Variants in PTGS1 observed in about 807,000 individuals in gnomAD.
PTGS1 encodes prostaglandin G/H synthase 1.
A neutral mutation model predicts 63.0 loss-of-function variants in PTGS1; 40 were observed. The ratio of observed to expected loss-of-function variants is 0.63; its 90% CI spans 0.49 to 0.83. The LOEUF is 0.83. Ranked by LOEUF, PTGS1 falls within the 40% of genes least tolerant of loss-of-function variation. PTGS1 has a pLI of 0.00. For missense variants in PTGS1, 709 were observed against 786.5 expected (o/e 0.90, Z 1.18); for synonymous variants, 298 against 301.9 (o/e 0.99, Z 0.13).
At chr9:122,374,516 A>C (rs1836999906) in intron 2 of PTGS1, among the ~76,000 whole-genome samples, 1 of 152,146 alleles carries the variant, frequency 6.6e-6, no homozygotes, top group Non-Finnish European at 1.5e-5. Flanking sequence ...TGGGGGACTC[A>C]AAGTGAATTA....
chr9:122,384,843 C>T (rs992333872), intron 8 of PTGS1, among the ~76,000 whole-genome samples: 1 of 152,148 alleles, frequency 6.6e-6, no homozygotes, highest in African/African-American at 2.4e-5. Flanking sequence ...CTTAGTATTC[C>T]TACTTTTGGC....
At chr9:122,391,395 A>G (rs1474984971) in intron 10 of PTGS1, among the ~76,000 whole-genome samples, 47 of 86,240 alleles carry the variant, frequency 5.4e-4, no homozygotes, top group Admixed American at 3.4e-3. Context: ...ACATATATAT[A>G]TACATATATA....
chr9:122,374,376 T>A (rs921648946), intron 2 of PTGS1, among the ~76,000 whole-genome samples: 1 of 152,060 alleles, frequency 6.6e-6, no homozygotes, highest in African/African-American at 2.4e-5. Context: ...ACCCCCTTCA[T>A]GGGATATACA....
At position 122,386,013 on chromosome 9, in the gene PTGS1, G is replaced by C. The variant is rs139492580; in HGVS notation, c.1010-433G>C. Among the ~76,000 whole-genome samples the C allele has an allele frequency of 5.3e-5, 8 of 152,200 alleles. No individual in the cohort carries two copies. In the East Asian group the frequency reaches 1.5e-3, roughly 29 times the overall value. The stretch of plus-strand genomic sequence containing the variant: ...AACAAAATTAAACATCAACAGCAAG[G>C]CCAGGTGTGGTGGCTCACACTTGCA... On this transcript the variant is annotated intron_variant, in intron 8 of 10. Transcript: ENST00000362012.
intron 7 of PTGS1, 126 bp downstream of exon 7, chr9:122,381,873 G>A: frequency 1.0e-6 from 1 of 969,766 alleles, no homozygotes; most frequent in South Asian, 1.5e-5. Context: ...GGAAGCTTGT[G>A]CCAGGAGCGA....
chr9:122,375,326 T>A (rs1171623873), intron 2 of PTGS1: 1 of 985,306 alleles, frequency 1.0e-6, no homozygotes, highest in Non-Finnish European at 1.2e-6. Context: ...GTCTGGAGCT[T>A]GTGGCTCTTC....
At chr9:122,373,592 G>A (rs1345942573) in intron 2 of PTGS1, among the ~76,000 whole-genome samples, 1 of 152,220 alleles carries the variant, frequency 6.6e-6, no homozygotes, top group Non-Finnish European at 1.5e-5. Context: ...TGGGGATAGG[G>A]CATGACCTGG....
At chr9:122,371,357 G>T (rs1836793641) in intron 2 of PTGS1, 85 bp downstream of exon 2, 1 of 1,579,314 alleles carries the variant, frequency 6.3e-7, no homozygotes, top group Non-Finnish European at 8.6e-7. Flanking sequence ...CCTCCAGCGG[G>T]CCCAGCTTCC....
At chr9:122,390,146 C>A in intron 9 of PTGS1, 52 bp from the exon 10 acceptor site, 1 of 1,587,218 alleles carries the variant, frequency 6.3e-7, no homozygotes, top group Non-Finnish European at 8.6e-7. Flanking sequence ...ACCCAGGCTC[C>A]AGGACAGCCT....
At chr9:122,379,004 T>C (rs1837356184) in intron 5 of PTGS1, 86 bp downstream of exon 5, 5 of 1,530,078 alleles carry the variant, frequency 3.3e-6, no homozygotes, top group Non-Finnish European at 4.4e-6. Context: ...AGAACAATTA[T>C]TGACCCAATT....
chr9:122,392,255 C>T lies in PTGS1; in HGVS notation c.1511C>T (p.Pro504Leu). 1 of 1,613,170 alleles carries T rather than the reference C, an allele frequency of 6.2e-7. No individual in the cohort carries two copies. Among genetic ancestry groups the T allele is most frequent in the Non-Finnish European group, 8.5e-7 (1 of 1,179,224 alleles). Residue 504 changes from proline to leucine, a missense_variant, in exon 11 of 11, where the codon CCT becomes CTT. Physicochemically the swap from Pro to Leu is moderately conservative, Grantham distance 98. Transcript: ENST00000362012. The stretch of plus-strand genomic sequence containing the variant: ...GACATTGATGCGTTGGAGTTCTACC[C>T]TGGACTGCTTCTTGAAAAGTGCCAT... The part of the protein sequence containing the change: ...YGDIDALEFY[P>L]GLLLEKCHPN...
At chr9:122,391,346 A>G (rs1838227802) in intron 10 of PTGS1, among the ~76,000 whole-genome samples, 1 of 114,048 alleles carries the variant, frequency 8.8e-6, no homozygotes, top group African/African-American at 4.7e-5. Context: ...GTATATATAT[A>G]CTATATATAT....
intron 8 of PTGS1, 129 bp downstream of exon 8, chr9:122,383,884 C>T: frequency 7.7e-7 from 1 of 1,291,902 alleles, no homozygotes; most frequent in Non-Finnish European, 1.0e-6. Flanking sequence ...GGCTAGAAGA[C>T]CTTGAGCAGG....
At chr9:122,383,862 C>T in intron 8 of PTGS1, 107 bp downstream of exon 8, 4 of 1,465,632 alleles carry the variant, frequency 2.7e-6, no homozygotes, top group Non-Finnish European at 3.7e-6. Flanking sequence ...AATCCTCACC[C>T]TTCTGCTTAG....
chr9:122,383,474 C>T (rs778645800), intron 7 of PTGS1, 35 bp from the exon 8 acceptor site: 16 of 1,569,234 alleles, frequency 1.0e-5, no homozygotes, highest in Non-Finnish European at 1.4e-5. Context: ...TGGGTGACCC[C>T]CAACCCCAGG....
chr9:122,378,643 A>G (rs918002303), intron 4 of PTGS1, 70 bp downstream of exon 4: 1 of 1,610,934 alleles, frequency 6.2e-7, no homozygotes, highest in African/African-American at 1.3e-5. Flanking sequence ...GATTCTTGGC[A>G]TCTGATAAGG....
intron 6 of PTGS1, 41 bp downstream of exon 6, chr9:122,381,593 T>A (rs1475224025): frequency 6.8e-6 from 11 of 1,613,534 alleles, no homozygotes; most frequent in Non-Finnish European, 9.3e-6. Flanking sequence ...CTGGACCTAA[T>A]TTGGCACGCG....
At chr9:122,371,136 T>C (rs781380405) in intron 1 of PTGS1, 45 bp downstream of exon 1, 1 of 1,607,050 alleles carries the variant, frequency 6.2e-7, no homozygotes, top group Non-Finnish European at 8.5e-7. Flanking sequence ...CTTGGCCTCC[T>C]GGTGGAGCCT....
At chr9:122,374,316 G>C (rs1359533673) in intron 2 of PTGS1, among the ~76,000 whole-genome samples, 2 of 152,170 alleles carry the variant, frequency 1.3e-5, no homozygotes, top group Admixed American at 1.3e-4. Context: ...TCTACCCAGA[G>C]TAGAGGGCCT....
Sources: gnomAD v4.1 joint callset for allele counts (sites outside exome capture counted in the v4.1 genomes callset) on GRCh38, gnomAD v4.1.1 for gene constraint, MANE v1.5 for transcripts, NCBI Gene and HGNC (gene_info 2026-07-23, HGNC 2026-07-21) for gene names.